Variants in SNX30 observed in about 807,000 individuals in gnomAD.
The protein encoded by SNX30 is sorting nexin family member 30.
SNX30 carries 24 observed loss-of-function variants against 46.4 expected under a neutral mutation model. That is an observed-to-expected ratio of 0.52 (90% CI 0.37 to 0.73). The LOEUF is 0.73. SNX30 is among the 30% of genes least tolerant of loss of function. SNX30 has a pLI of 0.00. For synonymous variants in SNX30, 189 were observed against 211.5 expected (o/e 0.89, Z 0.92); for missense variants, 533 against 555.7 (o/e 0.96, Z 0.41).
At chr9:112,878,637 A>G (rs1366651138), downstream of SNX30, 1 of 152,210 alleles carries the variant, frequency 6.6e-6, no homozygotes, top group African/African-American at 2.4e-5. Flanking sequence ...AGACATCCCT[A>G]TCTGCTGTTC....
chr9:112,766,057 C>T (rs1839532695), intron 1 of SNX30, among the ~76,000 whole-genome samples: 1 of 152,194 alleles, frequency 6.6e-6, no homozygotes, highest in Non-Finnish European at 1.5e-5. Context: ...CTGCCTCGGC[C>T]TCCCAAAGTG....
At chr9:112,838,751 T>C in intron 6 of SNX30, 54 bp downstream of exon 6, 1 of 1,536,874 alleles carries the variant, frequency 6.5e-7, no homozygotes, top group Non-Finnish European at 9.0e-7. Context: ...ATAGCAGTTA[T>C]CAGAAAGTAA....
intron 3 of SNX30, among the ~76,000 whole-genome samples, chr9:112,818,452 A>T (rs955392513): frequency 2.6e-5 from 4 of 151,918 alleles, no homozygotes; most frequent in Non-Finnish European, 5.9e-5. Flanking sequence ...CTGGTCTCGA[A>T]CTCCTGATCT....
intron 6 of SNX30, among the ~76,000 whole-genome samples, chr9:112,847,902 C>T (rs1228862505): frequency 6.6e-6 from 1 of 152,166 alleles, no homozygotes; most frequent in African/African-American, 2.4e-5. Context: ...CCTCCTAATG[C>T]CTAGAGTTAC....
chr9:112,772,912 C>T (rs1479346627), intron 1 of SNX30, among the ~76,000 whole-genome samples: 1 of 152,126 alleles, frequency 6.6e-6, no homozygotes, highest in East Asian at 1.9e-4. Context: ...TTGATTTATT[C>T]GTGAATCAAG....
intron 1 of SNX30, among the ~76,000 whole-genome samples, chr9:112,775,161 T>C (rs1358472313): frequency 6.7e-6 from 1 of 149,528 alleles, no homozygotes; most frequent in African/African-American, 2.5e-5. Context: ...TTTCTTTTTT[T>C]TTTTTTTTTT....
At chr9:112,834,603 G>T (rs1035863811) in intron 4 of SNX30, among the ~76,000 whole-genome samples, 1 of 152,100 alleles carries the variant, frequency 6.6e-6, no homozygotes, top group African/African-American at 2.4e-5. Flanking sequence ...GCTCTCTTGG[G>T]TTTTTGTGGA....
chr9:112,816,233 C>T (rs1293257769), intron 2 of SNX30, among the ~76,000 whole-genome samples: 3 of 152,182 alleles, frequency 2.0e-5, no homozygotes, highest in South Asian at 2.1e-4. Context: ...ACTGCATAGG[C>T]GCAGAGTCCT....
chr9:112,876,803 G>T (rs1246084192), downstream of SNX30, among the ~76,000 whole-genome samples: 1 of 152,164 alleles, frequency 6.6e-6, no homozygotes, highest in Non-Finnish European at 1.5e-5. Context: ...AGACATGGTG[G>T]TGCGTGCTTG....
Position 112,865,675 on chromosome 9 carries a change from GCACA to G in SNX30, c.1254+1288_1254+1291del, listed in dbSNP as rs768441437. On this transcript the variant is annotated intron_variant, in intron 8 of 8. Coordinates refer to ENST00000374232, the MANE Select transcript of SNX30 (RefSeq NM_001012994.2). ...TATATATATATATGTATGTATGTAT[GCACA>G]CACACACACACGTATACACACATAT... Among the ~76,000 whole-genome samples, 307 of 80,912 alleles carry G rather than the reference GCACA, an allele frequency of 3.8e-3. 7 individuals carry two copies. Among genetic ancestry groups the G allele is most frequent in the Non-Finnish European group, 5.8e-3 (230 of 39,772 alleles). The allele number at this position is 80,912 out of a possible 152,430, so 53.1% of individuals were successfully genotyped here.
intron 1 of SNX30, among the ~76,000 whole-genome samples, chr9:112,783,780 G>A (rs1416270263): frequency 2.6e-5 from 4 of 152,208 alleles, no homozygotes; most frequent in African/African-American, 9.6e-5. Context: ...CAGTTTCTGT[G>A]CTGAGGGCTG....
At chr9:112,759,168 G>T (rs1588105490) in intron 1 of SNX30, among the ~76,000 whole-genome samples, 1 of 151,988 alleles carries the variant, frequency 6.6e-6, no homozygotes, top group Non-Finnish European at 1.5e-5. Flanking sequence ...GCCTGGTCTT[G>T]TGCCCTATTT....
intron 3 of SNX30, among the ~76,000 whole-genome samples, chr9:112,825,059 A>G (rs1840561257): frequency 6.6e-6 from 1 of 152,196 alleles, no homozygotes; most frequent in Non-Finnish European, 1.5e-5. Context: ...TGGTTGTCTA[A>G]GATTTTGTTT....
intron 3 of SNX30, among the ~76,000 whole-genome samples, chr9:112,822,893 G>A (rs1294193855): frequency 6.6e-6 from 1 of 152,118 alleles, no homozygotes; most frequent in African/African-American, 2.4e-5. Context: ...TTATCAGGCT[G>A]GAGATCACAA....
intron 3 of SNX30, among the ~76,000 whole-genome samples, chr9:112,827,031 C>T (rs1840588519): frequency 6.6e-6 from 1 of 152,210 alleles, no homozygotes; most frequent in South Asian, 2.1e-4. Context: ...ATTCCCCTCT[C>T]TTCTTTCATT....
intron 3 of SNX30, among the ~76,000 whole-genome samples, chr9:112,825,038 A>G (rs758204076): frequency 6.6e-5 from 10 of 152,236 alleles, no homozygotes; most frequent in Non-Finnish European, 1.5e-4. Context: ...GAATGCTGCT[A>G]TCAACACTGG....
In SNX30 at chr9:112,772,189, G is replaced by A. The variant is rs117374486; in HGVS notation, c.156+21032G>A. Reference sequence around the variant, plus strand: ...AGAACAATCCTTATTCTAGTGAGGGGTTACTCTAGCTTCATTTCAGTTTCT... The same window carrying A: ...AGAACAATCCTTATTCTAGTGAGGGATTACTCTAGCTTCATTTCAGTTTCT... On this transcript the variant is annotated intron_variant, in intron 1 of 8. Transcript: ENST00000374232. Among the ~76,000 whole-genome samples the A allele has an allele frequency of 5.9e-3, 897 of 152,262 alleles. 10 individuals are homozygous for A. Among genetic ancestry groups the A allele is most frequent in the Admixed American group, 9.5e-3 (146 of 15,298 alleles).
At chr9:112,829,057 G>C (rs1377962987) in intron 3 of SNX30, among the ~76,000 whole-genome samples, 1 of 152,052 alleles carries the variant, frequency 6.6e-6, no homozygotes, top group African/African-American at 2.4e-5. Flanking sequence ...TGTTTCCAGG[G>C]TTTTTCCATG....
chr9:112,837,949 G>A (rs546528657), intron 5 of SNX30, among the ~76,000 whole-genome samples: 48 of 145,904 alleles, frequency 3.3e-4, no homozygotes, highest in Non-Finnish European at 5.7e-4. Context: ...AGAGTGCAGT[G>A]GAGTGATCTT....
Sources: gnomAD v4.1 joint callset for allele counts (sites outside exome capture counted in the v4.1 genomes callset) on GRCh38, gnomAD v4.1.1 for gene constraint, MANE v1.5 for transcripts, NCBI Gene and HGNC (gene_info 2026-07-23, HGNC 2026-07-21) for gene names.